Variants in SCAPER observed in about 807,000 individuals in gnomAD.
SCAPER encodes the protein S-phase cyclin A associated protein in the ER.
In SCAPER, 98 loss-of-function variants were observed where a neutral mutation model predicts 182.2. The ratio of observed to expected loss-of-function variants is 0.54; its 90% CI spans 0.46 to 0.64. The LOEUF is 0.64. SCAPER is among the 30% of genes least tolerant of loss of function. SCAPER has a pLI of 0.00. For synonymous variants in SCAPER, 605 were observed against 564.6 expected (o/e 1.07, Z -1.01); for missense variants, 1,432 against 1,690.0 (o/e 0.85, Z 2.68).
rs370679714 is a variant in SCAPER, at chr15:76,733,367, A to G, written c.1884T>C (p.Phe628=). ...EEEAKVNEIA[F]INTLEAQNKR... ...TATTCTGGGCTTCAAGGGTATTTAT[A>G]AAGGCAATTTCATTTACCTTTAAAA... The change falls in exon 16 of 32, where the codon TTT becomes TTC. Residue 628 remains phenylalanine, a synonymous_variant. Coordinates refer to ENST00000563290, the MANE Select transcript of SCAPER (RefSeq NM_020843.4). 5.6e-4 allele frequency: 908 copies of G among 1,613,274 alleles called. 3 individuals are homozygous for G. The African/African-American group carries it at 0.011, about 20-fold the overall frequency.
chr15:76,853,081 A>C (rs2070930159), intron 4 of SCAPER, among the ~76,000 whole-genome samples: 1 of 152,204 alleles, frequency 6.6e-6, no homozygotes, highest in Admixed American at 6.6e-5. Context: ...AACCTAGAAG[A>C]GATGGATAAA....
In SCAPER at chr15:76,381,615, C is replaced by G; in HGVS notation, c.3468G>C (p.Arg1156Ser). The G allele has an allele frequency of 3.8e-6, 6 of 1,576,566 alleles. No homozygotes were observed. Among genetic ancestry groups the G allele is most frequent in the East Asian group, 2.3e-5 (1 of 43,188 alleles). ...MCTLCFAVTG[R>S]SYSIFDNNRQ... is the part of the protein sequence containing the mutation. Reference sequence around the variant, plus strand: ...GATTATTGTCAAATATGCTGTATGACCTGACAAAGAAACATTCAGTTCTTT... The same window carrying G: ...GATTATTGTCAAATATGCTGTATGAGCTGACAAAGAAACATTCAGTTCTTT... Residue 1156 changes from arginine (R) to serine (S), a missense_variant and splice_region_variant, in exon 28 of 32, where the codon AGG becomes AGC. Transcript: ENST00000563290.
intron 24 of SCAPER, among the ~76,000 whole-genome samples, chr15:76,488,037 T>C (rs1001637507): frequency 2.6e-5 from 4 of 152,108 alleles, no homozygotes; most frequent in African/African-American, 9.7e-5. Flanking sequence ...ATTCCCACTC[T>C]CCCACCCCCA....
At chr15:76,464,324 C>G (rs369770313) in intron 25 of SCAPER, among the ~76,000 whole-genome samples, 1 of 152,114 alleles carries the variant, frequency 6.6e-6, no homozygotes, top group Non-Finnish European at 1.5e-5. Context: ...TACATTATAG[C>G]ATATGACAGA....
Position 76,889,507 on chromosome 15 carries a change from G to A in SCAPER, c.-59-5631C>T, listed in dbSNP as rs184007887. ...CCAAGCAAATGGAGAGCAAAAAAAA[G>A]CAGGGGTCGCAATTCTAATCTCTGA... On this transcript the variant is annotated intron_variant, in intron 1 of 31. Coordinates refer to ENST00000563290, the MANE Select transcript of SCAPER (RefSeq NM_020843.4). Among the ~76,000 whole-genome samples, 1,375 of 152,226 alleles carry A rather than the reference G, an allele frequency of 9.0e-3. 21 individuals carry two copies. The highest frequency in any genetic ancestry group is 0.032 in the African/African-American group (1,334 of 41,526).
chr15:76,827,588 G>C (rs905677577), intron 5 of SCAPER, among the ~76,000 whole-genome samples: 3 of 152,086 alleles, frequency 2.0e-5, no homozygotes, highest in African/African-American at 7.2e-5. Flanking sequence ...ACACCAAAAA[G>C]ATAACACTTC....
chr15:76,885,674 G>C (rs552002608), intron 1 of SCAPER, among the ~76,000 whole-genome samples: 99 of 152,140 alleles, frequency 6.5e-4, no homozygotes, highest in Admixed American at 2.7e-3. Context: ...TGGCAGAGAC[G>C]GAGTTTCACC....
Position 76,846,101 on chromosome 15 carries a change from C to T in SCAPER, c.196-4170G>A, listed in dbSNP as rs866050197. ...CCAGGAACATGCACCGGGGAAAAGA[C>T]AGTCTCTTCAATAAATGGTGCTGGG... On this transcript the variant is annotated intron_variant, in intron 4 of 31. Transcript: ENST00000563290. Among the ~76,000 whole-genome samples, 18 of 152,110 alleles carry T rather than the reference C, an allele frequency of 1.2e-4. No individual in the cohort carries two copies. In the Middle Eastern group the frequency reaches 0.01, roughly 87 times the overall value.
At chr15:76,585,597 G>T (rs2048591940) in intron 22 of SCAPER, among the ~76,000 whole-genome samples, 1 of 152,168 alleles carries the variant, frequency 6.6e-6, no homozygotes, top group South Asian at 2.1e-4. Flanking sequence ...CAGCAGTACT[G>T]AGGGAGGCAC....
At chr15:76,752,060 G>T (rs1295628373) in intron 15 of SCAPER, among the ~76,000 whole-genome samples, 1 of 148,942 alleles carries the variant, frequency 6.7e-6, no homozygotes, top group Non-Finnish European at 1.5e-5. Context: ...CTCAATTCAA[G>T]AATGTGAAAA....
chr15:76,581,149 C>T (rs2048239772), intron 22 of SCAPER, among the ~76,000 whole-genome samples: 1 of 152,002 alleles, frequency 6.6e-6, no homozygotes, highest in African/African-American at 2.4e-5. Context: ...AGATTGAAGC[C>T]ATAATAAAAA....
At chr15:76,727,806 A>T (rs2060679780) in intron 17 of SCAPER, among the ~76,000 whole-genome samples, 1 of 152,034 alleles carries the variant, frequency 6.6e-6, no homozygotes, top group Non-Finnish European at 1.5e-5. Context: ...AATATATGTA[A>T]CTAACAAAGA....
intron 23 of SCAPER, among the ~76,000 whole-genome samples, chr15:76,548,385 T>C (rs960768597): frequency 1.3e-5 from 2 of 152,168 alleles, no homozygotes; most frequent in African/African-American, 4.8e-5. Flanking sequence ...TTCTAGGATT[T>C]GACATTTTCG....
chr15:76,744,287 T>C (rs1288033865), intron 15 of SCAPER, among the ~76,000 whole-genome samples: 1 of 152,104 alleles, frequency 6.6e-6, no homozygotes, highest in East Asian at 1.9e-4. Flanking sequence ...AGTTGACAAG[T>C]AGGGCCTAAT....
At chr15:76,522,907 T>C (rs1288492745) in intron 23 of SCAPER, among the ~76,000 whole-genome samples, 3 of 152,138 alleles carry the variant, frequency 2.0e-5, no homozygotes, top group Non-Finnish European at 4.4e-5. Context: ...AAGTGATTTA[T>C]ACATTCCTAT....
intron 24 of SCAPER, among the ~76,000 whole-genome samples, chr15:76,483,973 C>T (rs2051372461): frequency 6.6e-6 from 1 of 152,064 alleles, no homozygotes; most frequent in Non-Finnish European, 1.5e-5. Context: ...TCATATGATC[C>T]AGAATCACAT....
At chr15:76,827,295 A>G (rs2068094791) in intron 5 of SCAPER, among the ~76,000 whole-genome samples, 1 of 152,160 alleles carries the variant, frequency 6.6e-6, no homozygotes, top group Admixed American at 6.5e-5. Flanking sequence ...TGAGACACTA[A>G]TTCATTTTTT....
intron 23 of SCAPER, among the ~76,000 whole-genome samples, chr15:76,564,388 A>T (rs745387703): frequency 2.6e-4 from 40 of 152,316 alleles, no homozygotes; most frequent in Middle Eastern, 3.4e-3. Context: ...CGAAGAGGCA[A>T]ATGAGGAACA....
intron 26 of SCAPER, among the ~76,000 whole-genome samples, chr15:76,429,005 G>A (rs895663246): frequency 6.6e-6 from 1 of 151,078 alleles, no homozygotes; most frequent in Non-Finnish European, 1.5e-5. Flanking sequence ...CTTGGTGGGA[G>A]GCAATCGAAT....
Sources: gnomAD v4.1 joint callset for allele counts (sites outside exome capture counted in the v4.1 genomes callset) on GRCh38, gnomAD v4.1.1 for gene constraint, MANE v1.5 for transcripts, NCBI Gene and HGNC (gene_info 2026-07-23, HGNC 2026-07-21) for gene names.